CCDC6: variants seen among roughly 807,000 people sequenced by gnomAD.
The protein encoded by CCDC6 is coiled-coil domain containing 6.
A neutral mutation model predicts 56.6 loss-of-function variants in CCDC6; 20 were observed. The ratio of observed to expected loss-of-function variants is 0.35; its 90% CI spans 0.25 to 0.51. The LOEUF is 0.51. Among genes scored for constraint, CCDC6 ranks in the 20% least tolerant of loss-of-function variants. CCDC6 has a pLI of 0.95. For missense variants in CCDC6, 367 were observed against 601.1 expected, an observed-to-expected ratio of 0.61 and a Z score of 4.07; for synonymous variants, 241 against 234.4, an observed-to-expected ratio of 1.03 and a Z score of -0.26.
chr10:59,857,472 T>G (rs1477518308), intron 1 of CCDC6, among the ~76,000 whole-genome samples: 1 of 152,210 alleles, frequency 6.6e-6, no homozygotes, highest in Admixed American at 6.5e-5. Context: ...TTTAAAACCC[T>G]TCACAATAGC....
intron 2 of CCDC6, among the ~76,000 whole-genome samples, chr10:59,842,999 T>C (rs2070954913): frequency 6.6e-6 from 1 of 151,422 alleles, no homozygotes; most frequent in South Asian, 2.1e-4. Flanking sequence ...GTGATCCACC[T>C]GCCTCGGCCT....
At chr10:59,797,623 C>G (rs991318502) in intron 7 of CCDC6, among the ~76,000 whole-genome samples, 32 of 65,414 alleles carry the variant, frequency 4.9e-4, no homozygotes, top group African/African-American at 1.2e-3. Context: ...AAAAAATCAA[C>G]AAGAAGAAGA....
chr10:59,818,171 G>A (rs1376431096), intron 3 of CCDC6, among the ~76,000 whole-genome samples: 2 of 152,120 alleles, frequency 1.3e-5, no homozygotes, highest in Non-Finnish European at 2.9e-5. Context: ...CAGAGTTGGG[G>A]GTAGCTGATG....
At chr10:59,899,441 G>C (rs1368261233) in intron 1 of CCDC6, among the ~76,000 whole-genome samples, 3 of 152,162 alleles carry the variant, frequency 2.0e-5, no homozygotes, top group African/African-American at 7.2e-5. Context: ...TTTCGGCAAG[G>C]CATGATTTAA....
chr10:59,884,316 C>G (rs976150434), intron 1 of CCDC6, among the ~76,000 whole-genome samples: 1 of 152,132 alleles, frequency 6.6e-6, no homozygotes, highest in African/African-American at 2.4e-5. Context: ...GATTTCAGGT[C>G]GAGACAGCGA....
chr10:59,892,489 G>A (rs2071429909), intron 1 of CCDC6, among the ~76,000 whole-genome samples: 1 of 152,122 alleles, frequency 6.6e-6, no homozygotes, highest in Non-Finnish European at 1.5e-5. Context: ...CCCAACCTGC[G>A]GTGCACAGGG....
intron 1 of CCDC6, among the ~76,000 whole-genome samples, chr10:59,860,585 A>G (rs2071119837): frequency 1.3e-5 from 2 of 152,198 alleles, no homozygotes; most frequent in East Asian, 1.9e-4. Context: ...GGGGCACTCC[A>G]GGCACTATTT....
chr10:59,839,559 C>T (rs1209920667), intron 2 of CCDC6, among the ~76,000 whole-genome samples: 1 of 152,044 alleles, frequency 6.6e-6, no homozygotes, highest in Non-Finnish European at 1.5e-5. Context: ...GTTTATAGCC[C>T]CTCTCCAACT....
At chr10:59,810,707 C>T (rs1294053185) in intron 5 of CCDC6, among the ~76,000 whole-genome samples, 1 of 151,918 alleles carries the variant, frequency 6.6e-6, no homozygotes, top group African/African-American at 2.4e-5. Flanking sequence ...TAATATGCTC[C>T]TTTTTTACTC....
At chr10:59,845,020 G>A (rs2070979273) in intron 2 of CCDC6, among the ~76,000 whole-genome samples, 1 of 152,130 alleles carries the variant, frequency 6.6e-6, no homozygotes, top group Non-Finnish European at 1.5e-5. Flanking sequence ...ACTGTAAATT[G>A]TTTAAAAATG....
rs116164437 is a variant in CCDC6 at position 59,878,421 on chromosome 10, T to C, written c.304-25719A>G. 2.0e-3 allele frequency among the ~76,000 whole-genome samples: 311 copies of C among 152,308 alleles called. 3 individuals carry two copies. The highest frequency in any genetic ancestry group is 7.2e-3 in the African/African-American group (299 of 41,564). ...CCTTCCTTCCCTTTCCTTTCTTGAA[T>C]ACTGTCAGGCTGGATACTGCAAGGG... On this transcript the variant is annotated intron_variant, in intron 1 of 8. Coordinates refer to ENST00000263102, the MANE Select transcript of CCDC6 (RefSeq NM_005436.5).
chr10:59,877,653 C>G (rs2071296028), intron 1 of CCDC6, among the ~76,000 whole-genome samples: 1 of 152,278 alleles, frequency 6.6e-6, no homozygotes, highest in Non-Finnish European at 1.5e-5. Flanking sequence ...TTATCCCTCT[C>G]TTCTGTTTAG....
intron 1 of CCDC6, among the ~76,000 whole-genome samples, chr10:59,859,649 G>GA (rs1312302096): frequency 6.6e-6 from 1 of 152,056 alleles, no homozygotes; most frequent in East Asian, 1.9e-4. Flanking sequence ...TGGAAAATGA[G>GA]AAAGATTATC....
chr10:59,880,299 G>C (rs773243384), intron 1 of CCDC6, among the ~76,000 whole-genome samples: 1 of 151,932 alleles, frequency 6.6e-6, no homozygotes, highest in Non-Finnish European at 1.5e-5. Flanking sequence ...CAGCCCTATA[G>C]TAACAAATGG....
intron 1 of CCDC6, among the ~76,000 whole-genome samples, chr10:59,899,226 T>C (rs1201875178): frequency 6.6e-6 from 1 of 152,162 alleles, no homozygotes. Flanking sequence ...CAGGAACATA[T>C]TGAACCTGTG....
intron 1 of CCDC6, among the ~76,000 whole-genome samples, chr10:59,888,796 G>A (rs1396832467): frequency 1.3e-5 from 2 of 152,140 alleles, no homozygotes; most frequent in Admixed American, 1.3e-4. Flanking sequence ...TGAAGCTGGT[G>A]GTTTGTGGAT....
intron 3 of CCDC6, among the ~76,000 whole-genome samples, chr10:59,830,532 C>T (rs577175670): frequency 6.6e-5 from 10 of 152,298 alleles, no homozygotes; most frequent in African/African-American, 2.4e-4. Flanking sequence ...TTAATTAAAA[C>T]ATAGGCTTCA....
At chr10:59,826,590 T>C (rs918795633) in intron 3 of CCDC6, among the ~76,000 whole-genome samples, 1 of 152,124 alleles carries the variant, frequency 6.6e-6, no homozygotes, top group African/African-American at 2.4e-5. Flanking sequence ...TCATCTTTCT[T>C]AGAAGAGTTT....
At chr10:59,893,358 G>A (rs1468529813) in intron 1 of CCDC6, among the ~76,000 whole-genome samples, 7 of 152,218 alleles carry the variant, frequency 4.6e-5, no homozygotes, top group Non-Finnish European at 1.0e-4. Flanking sequence ...CAGCACTTTG[G>A]GAAGCTGAGG....
Sources: allele counts gnomAD v4.1 joint callset (sites outside exome capture counted in the v4.1 genomes callset), GRCh38; gene constraint gnomAD v4.1.1; transcripts MANE v1.5; gene names NCBI Gene and HGNC (gene_info 2026-07-23, HGNC 2026-07-21).